MTCL1: variants seen among roughly 807,000 people sequenced by gnomAD.
MTCL1 encodes microtubule cross-linking factor 1.
In MTCL1, 79 loss-of-function variants were observed where a neutral mutation model predicts 141.4. The observed-to-expected ratio is 0.56, with a 90% confidence interval of 0.47 to 0.67. The LOEUF (loss-of-function observed/expected upper bound fraction) is 0.67. MTCL1 is among the 30% of genes least tolerant of loss of function. The pLI is 0.00. For synonymous variants in MTCL1, 914 were observed against 875.8 expected (o/e 1.04, Z -0.77); for missense variants, 2,177 against 2,113.9 (o/e 1.03, Z -0.59).
chr18:8,817,588 C>T (rs1428822243), intron 12 of MTCL1, among the ~76,000 whole-genome samples: 1 of 152,060 alleles, frequency 6.6e-6, no homozygotes, highest in Non-Finnish European at 1.5e-5. Context: ...TTACGTCCAA[C>T]TTGTGGATGA....
rs78810103 is a variant in MTCL1, at chr18:8,794,905, C to T, written c.2011-1327C>T. On this transcript the variant is annotated intron_variant, in intron 8 of 16. Transcript: ENST00000359865. Reference sequence around the variant, plus strand: ...CCAGATGGTGCAAAAGATCCCATGACCGTTACATCTTCAGTGTGAAATGTT... The same window carrying T: ...CCAGATGGTGCAAAAGATCCCATGATCGTTACATCTTCAGTGTGAAATGTT... Among the ~76,000 whole-genome samples, 399 of 152,268 alleles carry T rather than the reference C, an allele frequency of 2.6e-3. 9 individuals carry two copies. The East Asian group carries it at 0.069, about 27-fold the overall frequency.
At chr18:8,749,125 G>A (rs1366482538) in intron 4 of MTCL1, among the ~76,000 whole-genome samples, 1 of 152,236 alleles carries the variant, frequency 6.6e-6, no homozygotes, top group Non-Finnish European at 1.5e-5. Context: ...CCTTCGATCA[G>A]CCAGCAGCAT....
At chr18:8,714,199 C>G (rs536219850), upstream of MTCL1, among the ~76,000 whole-genome samples, 5 of 151,894 alleles carry the variant, frequency 3.3e-5, no homozygotes, top group Admixed American at 3.3e-4. Flanking sequence ...GCAGACAGGC[C>G]TGGGTTTGCA....
intron 9 of MTCL1, 106 bp from the exon 9 acceptor site, chr18:8,797,991 C>T (rs944389224): frequency 3.6e-6 from 4 of 1,112,386 alleles, no homozygotes; most frequent in Non-Finnish European, 3.8e-6. Context: ...GAAGTATAGG[C>T]GTTGATAATC....
chr18:8,770,364 A>G (rs372164560), intron 4 of MTCL1, among the ~76,000 whole-genome samples: 2 of 152,366 alleles, frequency 1.3e-5, no homozygotes, highest in South Asian at 4.1e-4. Context: ...AGGGGCTTAA[A>G]GAACACATTT....
exon 6 of MTCL1, chr18:8,784,149 G>A (rs1242850998): frequency 6.2e-7 from 1 of 1,613,724 alleles, no homozygotes; most frequent in East Asian, 2.2e-5. Context: ...CTGCAGATCA[G>A]CGAGCTCAGC....
exon 15 of MTCL1, chr18:8,826,107 A>C (rs755733003): frequency 6.2e-7 from 1 of 1,612,650 alleles, no homozygotes; most frequent in Non-Finnish European, 8.5e-7. Flanking sequence ...CGTGGCCCGG[A>C]TCCTCAACAA....
At chr18:8,825,705 C>A in exon 15 of MTCL1, 1 of 1,614,038 alleles carries the variant, frequency 6.2e-7, no homozygotes, top group South Asian at 1.1e-5. Context: ...GCAGAGGAAG[C>A]CCCTCCCCAA....
intron 4 of MTCL1, among the ~76,000 whole-genome samples, chr18:8,761,764 A>G (rs1004504845): frequency 6.6e-6 from 1 of 152,178 alleles, no homozygotes; most frequent in African/African-American, 2.4e-5. Context: ...TCCCCTTTAT[A>G]AAACCATCAC....
intron 4 of MTCL1, among the ~76,000 whole-genome samples, chr18:8,723,192 G>A (rs545179975): frequency 3.3e-5 from 5 of 152,296 alleles, no homozygotes; most frequent in Admixed American, 1.3e-4. Flanking sequence ...TCCCAGGAGC[G>A]TTAGATGCTG....
chr18:8,784,511 A>C, exon 6 of MTCL1: 1 of 1,598,760 alleles, frequency 6.3e-7, no homozygotes, highest in African/African-American at 1.3e-5. Context: ...GCTAGAGCGG[A>C]CGGTGGAGCG....
At chr18:8,731,027 C>T (rs930970178) in intron 4 of MTCL1, among the ~76,000 whole-genome samples, 7 of 151,882 alleles carry the variant, frequency 4.6e-5, no homozygotes, top group Non-Finnish European at 8.8e-5. Context: ...GGGCGGATCA[C>T]GAGGTCAGGA....
chr18:8,799,042 A>G (rs761847965), intron 10 of MTCL1, among the ~76,000 whole-genome samples: 13 of 152,192 alleles, frequency 8.5e-5, no homozygotes, highest in Non-Finnish European at 1.8e-4. Flanking sequence ...CCTGGAGTAC[A>G]GCTGGATGCC....
intron 4 of MTCL1, among the ~76,000 whole-genome samples, chr18:8,755,099 G>GCCC (rs987335075): frequency 1.3e-5 from 2 of 152,152 alleles, no homozygotes; most frequent in African/African-American, 4.8e-5. Context: ...TGCACCAAAT[G>GCCC]CCCCCGTGCC....
rs141975395 is a variant in MTCL1 at position 8,824,928 on chromosome 18, C to T, written c.3418C>T (p.Arg1140Trp). ...TTGGGCCGACAGGACCGAGGTGGGG[C>T]GGGCAGGGCACGAGGACAGCACAGA... The change falls in exon 15 of 17, where the codon CGG becomes TGG. Residue 1140 changes from arginine to tryptophan, a missense_variant. By Grantham distance (101) the Arg-to-Trp change is moderately radical (BLOSUM62 -3). Transcript: ENST00000359865. 2.1e-3 allele frequency: 3,441 copies of T among 1,613,690 alleles called. 5 individuals are homozygous for T. Among genetic ancestry groups the T allele is most frequent in the Non-Finnish European group, 2.7e-3 (3,182 of 1,180,014 alleles).
Position 8,785,987 on chromosome 18 carries a change from G to A in MTCL1, c.1783G>A (p.Glu595Lys), listed in dbSNP as rs531630371. Residue 595 changes from glutamate to lysine, a missense_variant, in exon 7 of 17, where the codon GAG (glutamate) becomes AAG (lysine). Glu to Lys is a moderately conservative substitution (Grantham distance 56, BLOSUM62 1). Coordinates refer to ENST00000359865, the Ensembl canonical transcript of MTCL1. ...GCAGCTCGGGCCGGCCCGAGGGGAC[G>A]AGCGGGAGAGCCTGCGCCTCCGAGC... 4.9e-5 allele frequency: 78 copies of A among 1,606,486 alleles called. No individual in the cohort carries two copies. The highest frequency in any genetic ancestry group is 8.9e-5 in the South Asian group (8 of 90,368).
At chr18:8,812,541 C>G (rs2144231172) in intron 11 of MTCL1, among the ~76,000 whole-genome samples, 1 of 152,304 alleles carries the variant, frequency 6.6e-6, no homozygotes, top group Non-Finnish European at 1.5e-5. Context: ...GGTTTGAGTA[C>G]ATAAGATGTA....
At chr18:8,738,481 CAG>C (rs1416404494) in intron 4 of MTCL1, among the ~76,000 whole-genome samples, 11 of 152,088 alleles carry the variant, frequency 7.2e-5, no homozygotes, top group African/African-American at 1.7e-4. Flanking sequence ...TATTTTGAGA[CAG>C]AGATGTTGGC....
intron 4 of MTCL1, among the ~76,000 whole-genome samples, chr18:8,731,921 C>G (rs1424136516): frequency 6.6e-6 from 1 of 151,952 alleles, no homozygotes; most frequent in African/African-American, 2.4e-5. Context: ...GTTGTCCAGG[C>G]TGGTCTTGAA....
Sources: allele counts gnomAD v4.1 joint callset (sites outside exome capture counted in the v4.1 genomes callset), GRCh38; gene constraint gnomAD v4.1.1; transcripts MANE v1.5; gene names NCBI Gene and HGNC (gene_info 2026-07-23, HGNC 2026-07-21).